Variants in PRRG1 observed in about 807,000 individuals in gnomAD.
PRRG1 encodes transmembrane gamma-carboxyglutamic acid protein 1.
PRRG1 carries 5 observed loss-of-function variants against 11.8 expected under a neutral mutation model. The ratio of observed to expected loss-of-function variants is 0.42; its 90% CI spans 0.22 to 0.89. PRRG1 has a LOEUF of 0.89. Ranked by LOEUF, PRRG1 falls within the 40% of genes least tolerant of loss-of-function variation. The pLI, the probability that PRRG1 is intolerant of heterozygous loss-of-function variation, is 0.28. For missense variants in PRRG1, 155 were observed against 166.1 expected (o/e 0.93, Z 0.37); for synonymous variants, 66 against 60.4 (o/e 1.09, Z -0.43).
intron 3 of PRRG1, among the ~76,000 whole-genome samples, chrX:37,440,096 G>A (rs1255130699): frequency 9.0e-6 from 1 of 111,351 alleles, no homozygotes; most frequent in Non-Finnish European, 1.9e-5. Flanking sequence ...CACCGTGCCT[G>A]ACCTCTACTA....
chrX:37,412,885 A>G (rs1221620510), intron 2 of PRRG1, among the ~76,000 whole-genome samples: 1 of 111,620 alleles, frequency 9.0e-6, no homozygotes, highest in African/African-American at 3.3e-5. Flanking sequence ...CAAAATTTAT[A>G]TAACATAGAC....
intron 1 of PRRG1, among the ~76,000 whole-genome samples, chrX:37,402,490 G>T (rs1556380709): frequency 9.0e-6 from 1 of 111,476 alleles, no homozygotes; most frequent in African/African-American, 3.3e-5. Flanking sequence ...ATTCAAGATG[G>T]ATTAAAGACT....
intron 1 of PRRG1, among the ~76,000 whole-genome samples, chrX:37,401,636 G>T (rs1931983150): frequency 9.0e-6 from 1 of 111,018 alleles, no homozygotes; most frequent in African/African-American, 3.3e-5. Flanking sequence ...TCTGGCCAGT[G>T]CAATTAGGCA....
At chrX:37,435,517 A>G (rs1213174510) in intron 3 of PRRG1, among the ~76,000 whole-genome samples, 1 of 110,463 alleles carries the variant, frequency 9.1e-6, no homozygotes, top group African/African-American at 3.3e-5. Context: ...GAGGTGGGGT[A>G]ACTTTGCAAT....
At chrX:37,359,140 T>G (rs1277445450) in intron 1 of PRRG1, among the ~76,000 whole-genome samples, 1 of 111,694 alleles carries the variant, frequency 9.0e-6, no homozygotes, top group Non-Finnish European at 1.9e-5. Flanking sequence ...CCTTGTCTTA[T>G]CACATAAGAT....
intron 3 of PRRG1, chrX:37,441,513 G>C: frequency 1.3e-6 from 1 of 757,201 alleles, no homozygotes; most frequent in Non-Finnish European, 1.6e-6. Flanking sequence ...CACATCCCAA[G>C]GTGCCTGCCA....
chrX:37,427,364 A>G (rs1051615198), intron 3 of PRRG1, among the ~76,000 whole-genome samples: 3 of 112,162 alleles, frequency 2.7e-5, no homozygotes, highest in Non-Finnish European at 3.8e-5. Flanking sequence ...GTATACACCT[A>G]TGAAACAACC....
At chrX:37,352,325 G>A (rs1930093810) in intron 1 of PRRG1, among the ~76,000 whole-genome samples, 1 of 112,042 alleles carries the variant, frequency 8.9e-6, no homozygotes, top group African/African-American at 3.2e-5. Context: ...AAATGCAAAA[G>A]CACTTTTTTT....
intron 1 of PRRG1, among the ~76,000 whole-genome samples, chrX:37,352,283 A>G (rs782695502): frequency 8.9e-6 from 1 of 112,484 alleles, no homozygotes; most frequent in East Asian, 2.8e-4. Flanking sequence ...AGCATTAGTA[A>G]CCCTTATTTT....
chrX:37,366,959 G>A (rs191460892), intron 1 of PRRG1, among the ~76,000 whole-genome samples: 376 of 111,786 alleles, frequency 3.4e-3, no homozygotes, highest in Non-Finnish European at 5.0e-3. Flanking sequence ...ATCTACCTGA[G>A]TGTGGTAAGA....
At chrX:37,419,309 A>G (rs959616298) in intron 2 of PRRG1, among the ~76,000 whole-genome samples, 6 of 111,757 alleles carry the variant, frequency 5.4e-5, no homozygotes, top group African/African-American at 1.3e-4. Context: ...ATCAACATAT[A>G]TTTGACCAAA....
chrX:37,399,802 G>T (rs781927167), intron 1 of PRRG1, among the ~76,000 whole-genome samples: 1 of 105,062 alleles, frequency 9.5e-6, no homozygotes, highest in Admixed American at 1.0e-4. Context: ...CCAAGCAAAT[G>T]GAAAACAAAA....
At chrX:37,383,010 C>G (rs1263287452) in intron 1 of PRRG1, among the ~76,000 whole-genome samples, 1 of 111,307 alleles carries the variant, frequency 9.0e-6, no homozygotes, top group African/African-American at 3.3e-5. Flanking sequence ...ATCGATAATT[C>G]AAGCCTAGAA....
intron 2 of PRRG1, among the ~76,000 whole-genome samples, chrX:37,408,471 A>G (rs142825517): frequency 0.018 from 2,028 of 110,880 alleles, 47 homozygotes; most frequent in African/African-American, 0.063. Context: ...TATCCCCATG[A>G]TGTTCTACAC....
In PRRG1 at chrX:37,453,875, A is replaced by G. The variant is rs1466412673; in HGVS notation, c.*254A>G. 2 of 308,688 alleles carry G rather than the reference A, an allele frequency of 6.5e-6. No individual in the cohort carries two copies. Among genetic ancestry groups the G allele is most frequent in the African/African-American group, 5.4e-5 (2 of 37,163 alleles). 25.4% of individuals were successfully genotyped at this position (308,688 alleles called of 1,213,427 possible). On this transcript the variant is annotated 3_prime_UTR_variant, in exon 4 of 4. Coordinates refer to ENST00000378628, the MANE Select transcript of PRRG1 (RefSeq NM_001142395.2). ...CTTTCTGTGATGTGATGAGACATAC[A>G]TGTAAGTGTATATATGTGTGTATAG...
At chrX:37,380,965 A>G (rs1323426009) in intron 1 of PRRG1, among the ~76,000 whole-genome samples, 1 of 111,642 alleles carries the variant, frequency 9.0e-6, no homozygotes, top group Non-Finnish European at 1.9e-5. Context: ...ATTCTTAGGG[A>G]ACCAAGGCTA....
intron 1 of PRRG1, among the ~76,000 whole-genome samples, chrX:37,367,539 C>T (rs1930614247): frequency 9.0e-6 from 1 of 111,697 alleles, no homozygotes; most frequent in East Asian, 2.8e-4. Context: ...TCTTGACCAG[C>T]CACTGGGAAT....
chrX:37,390,036 C>T (rs1931471710), intron 1 of PRRG1, among the ~76,000 whole-genome samples: 1 of 111,821 alleles, frequency 8.9e-6, no homozygotes, highest in Non-Finnish European at 1.9e-5. Context: ...AAATTTATTG[C>T]TCACAGTTCT....
chrX:37,402,248 A>G (rs1454034503), intron 1 of PRRG1, among the ~76,000 whole-genome samples: 2 of 111,791 alleles, frequency 1.8e-5, no homozygotes, highest in East Asian at 2.8e-4. Context: ...CTACAAGGCT[A>G]CAGTACTCAA....
Sources: allele counts gnomAD v4.1 joint callset (sites outside exome capture counted in the v4.1 genomes callset), GRCh38; gene constraint gnomAD v4.1.1; transcripts MANE v1.5; gene names NCBI Gene and HGNC (gene_info 2026-07-23, HGNC 2026-07-21).